Variants in SRCAP observed in about 807,000 individuals in gnomAD.
The protein encoded by SRCAP is Snf2 related CREBBP activator protein.
In SRCAP, 46 loss-of-function variants were observed where a neutral mutation model predicts 263.1. The ratio of observed to expected loss-of-function variants is 0.17; its 90% CI spans 0.14 to 0.22. The LOEUF is 0.22. Ranked by LOEUF, SRCAP falls within the 10% of genes least tolerant of loss-of-function variation. The pLI is 1.00. For synonymous variants in SRCAP, 1,813 were observed against 1,662.1 expected (o/e 1.09, Z -2.21); for missense variants, 3,695 against 4,181.9 (o/e 0.88, Z 3.21).
intron 18 of SRCAP, among the ~76,000 whole-genome samples, chr16:30,719,681 T>C (rs565194593): frequency 1.3e-5 from 2 of 152,096 alleles, no homozygotes; most frequent in African/African-American, 4.8e-5. Context: ...GCCTGGCTAA[T>C]TTTTGTATTT....
In SRCAP at chr16:30,738,091, C is replaced by A; in HGVS notation, c.8051C>A (p.Thr2684Asn). The A allele has an allele frequency of 6.2e-7, 1 of 1,614,166 alleles. No individual in the cohort carries two copies. The highest frequency in any genetic ancestry group is 8.5e-7 in the Non-Finnish European group (1 of 1,180,032). The part of the protein sequence containing the change: ...SEELTEAKTP[T>N]SSPEKPQELV... Reference sequence around the variant, plus strand: ...GAGCTGACAGAGGCCAAGACCCCAACCTCCAGCCCAGAGAAGCCACAGGAA... The same window carrying A: ...GAGCTGACAGAGGCCAAGACCCCAAACTCCAGCCCAGAGAAGCCACAGGAA... The change falls in exon 34 of 34, where the codon ACC becomes AAC. Residue 2684 changes from threonine to asparagine, a missense_variant. Transcript: ENST00000262518.
At chr16:30,703,921 C>T in intron 3 of SRCAP, 143 bp from the exon 4 acceptor site, 1 of 1,027,958 alleles carries the variant, frequency 9.7e-7, no homozygotes, top group Non-Finnish European at 1.4e-6. Flanking sequence ...AAAACTTTAT[C>T]CCGAACGTTT....
intron 25 of SRCAP, chr16:30,725,373 CT>C (rs2151294872): frequency 2.6e-6 from 1 of 389,012 alleles, no homozygotes; most frequent in East Asian, 5.6e-5. Context: ...AAAAGGAACT[CT>C]TCTCTGTCCC....
At chr16:30,714,278 AT>A (rs1168548056) in intron 16 of SRCAP, among the ~76,000 whole-genome samples, 1 of 151,456 alleles carries the variant, frequency 6.6e-6, no homozygotes, top group Non-Finnish European at 1.5e-5. Flanking sequence ...ATTAGCCAGG[AT>A]GGTCTCCATC....
intron 4 of SRCAP, 116 bp downstream of exon 4, chr16:30,704,431 C>T (rs988387812): frequency 4.7e-5 from 62 of 1,324,572 alleles, no homozygotes; most frequent in Middle Eastern, 2.4e-4. Context: ...GGTATAGGTT[C>T]TGCCTTAATG....
In SRCAP at chr16:30,721,293, C is replaced by T. The variant is rs1446446976; in HGVS notation, c.3358C>T (p.Pro1120Ser). The T allele has an allele frequency of 6.2e-7, 1 of 1,614,066 alleles. No homozygotes were observed. The highest frequency in any genetic ancestry group is 8.5e-7 in the Non-Finnish European group (1 of 1,180,048). Residue 1120 changes from proline (P) to serine (S), a missense_variant, in exon 21 of 34, where the codon CCA (proline) becomes TCA (serine). Coordinates refer to ENST00000262518, the MANE Select transcript of SRCAP (RefSeq NM_006662.3). Reference protein sequence around the residue: ...PPAPVRLSPAPPPGSSSLLKP... With the variant: ...PPAPVRLSPASPPGSSSLLKP... ...TGCCCCAGTTCGCCTGAGCCCAGCC[C>T]CACCTCCAGGCTCCTCTAGCCTGTT...
intron 18 of SRCAP, among the ~76,000 whole-genome samples, chr16:30,717,907 C>T (rs903249056): frequency 7.3e-5 from 11 of 150,490 alleles, no homozygotes; most frequent in Non-Finnish European, 1.5e-4. Flanking sequence ...GCACCCGGCC[C>T]TGCTGATTTT....
At chr16:30,723,504 G>A (rs1432549788) in intron 24 of SRCAP, 80 bp from the exon 25 acceptor site, 3 of 1,525,474 alleles carry the variant, frequency 2.0e-6, no homozygotes, top group African/African-American at 2.8e-5. Flanking sequence ...GGGAAGCTTG[G>A]GGGTATGGGA....
In SRCAP at chr16:30,738,730, G is replaced by A. The variant is rs2053187708; in HGVS notation, c.8690G>A (p.Gly2897Glu). ...ACCAATGGGGCTGACCCAGTCCCTG[G>A]GCCTGAGACCCTAATTGTTGCAGAT... ...GKTNGADPVP[G>E]PETLIVADPV... The change falls in exon 34 of 34, where the codon GGG (glycine) becomes GAG (glutamate). Residue 2897 changes from glycine to glutamate, a missense_variant. This residue lies in a region of SRCAP where 1,207 missense variants were observed against 1,142.9 expected (regional missense o/e 1.06). Coordinates refer to ENST00000262518, the MANE Select transcript of SRCAP (RefSeq NM_006662.3). 1.2e-6 allele frequency: 2 copies of A among 1,613,914 alleles called. No homozygotes were observed. The highest frequency in any genetic ancestry group is 1.7e-5 in the Admixed American group (1 of 59,986).
At chr16:30,723,253 GA>G (rs1267263615) in intron 24 of SRCAP, 24 bp downstream of exon 24, 1 of 1,573,866 alleles carries the variant, frequency 6.4e-7, no homozygotes, top group Non-Finnish European at 8.6e-7. Flanking sequence ...GCTGAGGCCA[GA>G]AATCCTTGCC....
intron 8 of SRCAP, 74 bp downstream of exon 8, chr16:30,710,202 T>C (rs1347580945): frequency 4.7e-6 from 7 of 1,497,638 alleles, no homozygotes; most frequent in African/African-American, 1.4e-5. Context: ...AGTTCCGGGC[T>C]GTGAGGTTGG....
chr16:30,700,977 G>A, intron 3 of SRCAP, 99 bp downstream of exon 3: 1 of 1,340,950 alleles, frequency 7.5e-7, no homozygotes. Context: ...GGAGAGTTTT[G>A]GAGAATCTTT....
intron 13 of SRCAP, 84 bp downstream of exon 13, chr16:30,712,523 T>G (rs1284417872): frequency 9.9e-5 from 151 of 1,518,378 alleles, no homozygotes; most frequent in Non-Finnish European, 1.3e-4. Context: ...CTTCATTGAC[T>G]TTTGCTTTAT....
Position 30,711,490 on chromosome 16 carries a change from A to G in SRCAP, c.1319-81A>G, listed in dbSNP as rs1596646971. Reference sequence around the variant, plus strand: ...GGCCTAGCAGTATCTACAGAGACCTAGGTAAAATTAACTGGTACTACTCAG... The same window carrying G: ...GGCCTAGCAGTATCTACAGAGACCTGGGTAAAATTAACTGGTACTACTCAG... On this transcript the variant is annotated intron_variant, in intron 10 of 33. Coordinates refer to ENST00000262518, the MANE Select transcript of SRCAP (RefSeq NM_006662.3). 6 of 1,397,566 alleles carry G rather than the reference A, an allele frequency of 4.3e-6. No homozygotes were observed. In the East Asian group the frequency reaches 1.4e-4, roughly 32 times the overall value. The allele number at this position is 1,397,566 out of a possible 1,614,324, so 86.6% of individuals were successfully genotyped here.
intron 25 of SRCAP, 106 bp from the exon 26 acceptor site, chr16:30,728,860 T>A: frequency 7.4e-7 from 1 of 1,343,614 alleles, no homozygotes; most frequent in Non-Finnish European, 9.9e-7. Flanking sequence ...AGTGTATTTT[T>A]GGATCCCATG....
chr16:30,726,858 C>T (rs1412655664), intron 25 of SRCAP, among the ~76,000 whole-genome samples: 2 of 152,142 alleles, frequency 1.3e-5, no homozygotes, highest in Non-Finnish European at 2.9e-5. Flanking sequence ...GGCGTCACCA[C>T]GCCTGGCTAA....
At chr16:30,704,341 A>T (rs771609780) in intron 4 of SRCAP, 26 bp downstream of exon 4, 1 of 1,555,812 alleles carries the variant, frequency 6.4e-7, no homozygotes, top group African/African-American at 1.4e-5. Context: ...GCTTATGAAG[A>T]TTCTTGGGAG....
At chr16:30,732,980 C>T (rs1596663514) in intron 27 of SRCAP, among the ~76,000 whole-genome samples, 1 of 152,086 alleles carries the variant, frequency 6.6e-6, no homozygotes, top group East Asian at 1.9e-4. Context: ...GGATTACAGT[C>T]ACCCGCCATC....
chr16:30,715,464 C>T (rs1264269748), intron 16 of SRCAP, among the ~76,000 whole-genome samples: 1 of 151,756 alleles, frequency 6.6e-6, no homozygotes, highest in Non-Finnish European at 1.5e-5. Context: ...ACTCAGGAGG[C>T]TGAGGCAGGA....
Sources: allele counts gnomAD v4.1 joint callset (sites outside exome capture counted in the v4.1 genomes callset), GRCh38; gene constraint gnomAD v4.1.1; regional missense constraint gnomAD v4.1.1; transcripts MANE v1.5; gene names NCBI Gene and HGNC (gene_info 2026-07-23, HGNC 2026-07-21).